TYW1: variants seen among roughly 807,000 people sequenced by gnomAD.
The protein encoded by TYW1 is tRNA-yW synthesizing protein 1 homolog, also known as S-adenosyl-L-methionine-dependent tRNA 4-demethylwyosine synthase TYW1.
In TYW1, 46 loss-of-function variants were observed where a neutral mutation model predicts 96.2. The ratio of observed to expected loss-of-function variants is 0.48; its 90% confidence interval spans 0.38 to 0.61. TYW1 has a LOEUF of 0.61. TYW1 is among the 20% of genes least tolerant of loss of function. The pLI is 0.00. For missense variants in TYW1, 684 were observed against 909.6 expected, an observed-to-expected ratio of 0.75 and a Z score of 3.19; for synonymous variants, 274 against 323.0, an observed-to-expected ratio of 0.85 and a Z score of 1.63.
chr7:67,175,233 G>A (rs9886305), intron 13 of TYW1, among the ~76,000 whole-genome samples: 4,209 of 149,034 alleles, frequency 0.028, 212 homozygotes, highest in African/African-American at 0.098. Flanking sequence ...GTGCGATGGC[G>A]TGATCTCAGC....
chr7:67,163,774 T>C (rs1249029827), intron 13 of TYW1, among the ~76,000 whole-genome samples: 1 of 152,166 alleles, frequency 6.6e-6, no homozygotes, highest in East Asian at 1.9e-4. Flanking sequence ...GTTCAAGTGA[T>C]TCTCATGCCT....
chr7:67,078,048 A>G (rs1415688673), intron 10 of TYW1, among the ~76,000 whole-genome samples: 2 of 151,576 alleles, frequency 1.3e-5, no homozygotes, highest in African/African-American at 4.8e-5. Flanking sequence ...TTATGTCAAT[A>G]CCATGCTGCT....
At chr7:67,089,109 A>C (rs907210166) in intron 11 of TYW1, 4 of 408,052 alleles carry the variant, frequency 9.8e-6, no homozygotes, top group Non-Finnish European at 1.7e-5. Flanking sequence ...CTTTTTTAAC[A>C]AATAGCCCCA....
At chr7:67,041,014 G>A (rs1795002829) in intron 7 of TYW1, among the ~76,000 whole-genome samples, 1 of 152,064 alleles carries the variant, frequency 6.6e-6, no homozygotes, top group Non-Finnish European at 1.5e-5. Flanking sequence ...TTTTTGAAAT[G>A]AAATGATTTT....
chr7:67,119,092 C>A (rs939368117), intron 13 of TYW1, among the ~76,000 whole-genome samples: 34 of 149,698 alleles, frequency 2.3e-4, no homozygotes, highest in Non-Finnish European at 4.4e-4. Flanking sequence ...CCTAAAGTAA[C>A]CATCTGGTTC....
chr7:67,171,871 T>G (rs898050751), intron 13 of TYW1, among the ~76,000 whole-genome samples: 10 of 152,272 alleles, frequency 6.6e-5, no homozygotes, highest in African/African-American at 2.4e-4. Flanking sequence ...TTAAGTTATA[T>G]CTCCACAAGA....
intron 3 of TYW1, among the ~76,000 whole-genome samples, chr7:67,004,707 C>T (rs1244408999): frequency 1.3e-5 from 2 of 152,012 alleles, no homozygotes; most frequent in Non-Finnish European, 2.9e-5. Context: ...CTTGTTTCTC[C>T]TTCGCTTATG....
intron 15 of TYW1, among the ~76,000 whole-genome samples, chr7:67,227,821 A>T (rs748714944): frequency 7.2e-5 from 11 of 152,178 alleles, no homozygotes; most frequent in African/African-American, 2.4e-4. Flanking sequence ...CGATAGGACA[A>T]CCGGAAGCTC....
chr7:67,014,639 G>T, intron 5 of TYW1, 78 bp downstream of exon 5: 1 of 1,504,538 alleles, frequency 6.6e-7, no homozygotes. Flanking sequence ...ACACACACAC[G>T]TGCACACACG....
At chr7:67,070,383 GT>G (rs1795996685) in intron 10 of TYW1, among the ~76,000 whole-genome samples, 1 of 151,138 alleles carries the variant, frequency 6.6e-6, no homozygotes, top group Non-Finnish European at 1.5e-5. Context: ...GCTTGATGGT[GT>G]CCCCCAGCTC....
chr7:67,066,710 T>C (rs1795878853), intron 9 of TYW1, among the ~76,000 whole-genome samples: 1 of 152,122 alleles, frequency 6.6e-6, no homozygotes, highest in Non-Finnish European at 1.5e-5. Flanking sequence ...TAACCAGGCA[T>C]GGTGGCTCAC....
chr7:66,997,964 T>C, intron 1 of TYW1, 101 bp from the exon 2 acceptor site: 1 of 1,384,976 alleles, frequency 7.2e-7, no homozygotes, highest in Non-Finnish European at 9.7e-7. Flanking sequence ...CTTAGCTGGG[T>C]TGTTGAATGT....
intron 11 of TYW1, among the ~76,000 whole-genome samples, chr7:67,095,207 C>T (rs549762727): frequency 2.0e-5 from 3 of 152,048 alleles, no homozygotes; most frequent in East Asian, 2.0e-4. Flanking sequence ...CCATGTTGGC[C>T]GAGCTGGTCT....
At chr7:67,081,348 C>T (rs1466593671) in intron 10 of TYW1, among the ~76,000 whole-genome samples, 1 of 148,984 alleles carries the variant, frequency 6.7e-6, no homozygotes, top group Non-Finnish European at 1.5e-5. Flanking sequence ...TGATGCTTTT[C>T]AATTGCTGTT....
At chr7:67,049,905 C>A (rs960860011) in intron 7 of TYW1, 44 bp from the exon 8 acceptor site, 12 of 1,609,996 alleles carry the variant, frequency 7.5e-6, no homozygotes, top group Non-Finnish European at 1.0e-5. Context: ...ATTTACATTG[C>A]ACATTACCAA....
At position 67,206,597 on chromosome 7, in the gene TYW1, C is replaced by T. The variant is rs573359861; in HGVS notation, c.1977+11260C>T. On this transcript the variant is annotated intron_variant, in intron 15 of 15. Transcript: ENST00000359626. ...AGTGAGCCAAGATCGTGCCACTGGG[C>T]GACAAAATGAGACTCTGTCTCAAAC... 1.9e-4 allele frequency among the ~76,000 whole-genome samples: 28 copies of T among 148,836 alleles called. No homozygotes were observed. The South Asian group carries it at 3.0e-3, about 16-fold the overall frequency.
chr7:67,222,474 A>T (rs1801425346), intron 15 of TYW1, among the ~76,000 whole-genome samples: 1 of 151,698 alleles, frequency 6.6e-6, no homozygotes, highest in African/African-American at 2.4e-5. Flanking sequence ...CCTGGTTGAC[A>T]TTTTTTTTCT....
At chr7:67,014,689 A>C in intron 5 of TYW1, 128 bp downstream of exon 5, 1 of 1,099,062 alleles carries the variant, frequency 9.1e-7, no homozygotes, top group Admixed American at 2.8e-5. Flanking sequence ...AATAATCCAC[A>C]AACTTTGGTA....
At chr7:67,026,965 G>A (rs1036075760) in intron 7 of TYW1, among the ~76,000 whole-genome samples, 28 of 152,104 alleles carry the variant, frequency 1.8e-4, no homozygotes, top group Non-Finnish European at 5.9e-5. Flanking sequence ...GGAGGCTGAC[G>A]TGATGGGAGG....
Sources: gnomAD v4.1 joint callset for allele counts (sites outside exome capture counted in the v4.1 genomes callset) on GRCh38, gnomAD v4.1.1 for gene constraint, MANE v1.5 for transcripts, NCBI Gene and HGNC (gene_info 2026-07-23, HGNC 2026-07-21) for gene names.